SGCD: variants seen among roughly 807,000 people sequenced by gnomAD.
SGCD encodes the protein sarcoglycan delta.
A neutral mutation model predicts 36.6 loss-of-function variants in SGCD; 18 were observed. The observed-to-expected ratio is 0.49, with a 90% CI of 0.34 to 0.73. The LOEUF is 0.73. SGCD is among the 30% of genes least tolerant of loss of function. The pLI is 0.01. For missense variants in SGCD, 387 were observed against 346.7 expected (o/e 1.12, Z -0.92); for synonymous variants, 133 against 130.6 (o/e 1.02, Z -0.12).
At chr5:155,864,950 A>G in the SGCD span, among the ~76,000 whole-genome samples, 2 of 152,194 alleles carry the variant, frequency 1.3e-5, no homozygotes, top group Non-Finnish European at 2.9e-5. Flanking sequence ...CATTTTACAT[A>G]AGGAAGCACA....
At chr5:156,408,164 G>T (rs1179466112) in intron 3 of SGCD, among the ~76,000 whole-genome samples, 1 of 152,078 alleles carries the variant, frequency 6.6e-6, no homozygotes, top group East Asian at 1.9e-4. Flanking sequence ...TAGCTCTTTT[G>T]TCTTTTCATC....
chr5:155,909,901 G>C (rs1013558402), intron 1 of SGCD, among the ~76,000 whole-genome samples: 41 of 151,928 alleles, frequency 2.7e-4, no homozygotes, highest in African/African-American at 9.9e-4. Context: ...ACTATTCCTA[G>C]AGAATGAATA....
chr5:155,996,337 A>G (rs544593549), intron 1 of SGCD, among the ~76,000 whole-genome samples: 1 of 152,220 alleles, frequency 6.6e-6, no homozygotes, highest in South Asian at 2.1e-4. Context: ...TTTGCATGAC[A>G]GCAAGCCATG....
chr5:155,871,545 C>T (rs1221090059), intron 1 of SGCD, among the ~76,000 whole-genome samples: 4 of 152,080 alleles, frequency 2.6e-5, no homozygotes, highest in African/African-American at 9.7e-5. Context: ...TGTCATTGTT[C>T]ACTGGACTGT....
chr5:155,875,592 G>C (rs1252284967), intron 1 of SGCD, among the ~76,000 whole-genome samples: 2 of 151,522 alleles, frequency 1.3e-5, no homozygotes, highest in Non-Finnish European at 2.9e-5. Context: ...CAATTTAAAG[G>C]CATTTCAATT....
the SGCD span, among the ~76,000 whole-genome samples, chr5:155,841,730 T>TTTATAGGATA: frequency 1.4e-4 from 21 of 152,204 alleles, no homozygotes; most frequent in Non-Finnish European, 2.5e-4. Flanking sequence ...TTATAGGTTT[T>TTTATAGGATA]GTAGGGAAAC....
At chr5:155,825,015 A>C in the SGCD span, among the ~76,000 whole-genome samples, 14 of 152,270 alleles carry the variant, frequency 9.2e-5, no homozygotes, top group Admixed American at 6.5e-5. Context: ...CTCTTCCTTC[A>C]TTTATCGTTG....
At chr5:155,954,466 AT>A (rs1215442030) in intron 1 of SGCD, among the ~76,000 whole-genome samples, 1 of 152,066 alleles carries the variant, frequency 6.6e-6, no homozygotes, top group East Asian at 1.9e-4. Flanking sequence ...ACTTGAATCC[AT>A]TTGATTAGCG....
intron 1 of SGCD, among the ~76,000 whole-genome samples, chr5:156,072,503 G>C (rs1189031721): frequency 6.6e-6 from 1 of 151,884 alleles, no homozygotes; most frequent in East Asian, 1.9e-4. Context: ...GAGATCCGCT[G>C]TTAGTCTGAT....
Position 156,473,314 on chromosome 5 carries a change from C to T in SGCD, c.193-35287C>T, listed in dbSNP as rs141538675. Among the ~76,000 whole-genome samples, 727 of 152,280 alleles carry T rather than the reference C, an allele frequency of 4.8e-3. 5 individuals are homozygous for T. Among genetic ancestry groups the T allele is most frequent in the Admixed American group, 8.7e-3 (133 of 15,288 alleles). ...AAGTTTCCATGGAGATACCTCCCAA[C>T]AAAACTATCATACGTTGCAAATATT... On this transcript the variant is annotated intron_variant, in intron 3 of 8. Transcript: ENST00000337851.
chr5:156,141,195 T>A (rs987306988), intron 3 of SGCD, among the ~76,000 whole-genome samples: 5 of 151,608 alleles, frequency 3.3e-5, no homozygotes, highest in Non-Finnish European at 5.9e-5. Flanking sequence ...CCTTGGAGAG[T>A]CTCAGGACCC....
At chr5:156,227,956 G>A (rs1377746205) in intron 3 of SGCD, among the ~76,000 whole-genome samples, 1 of 152,066 alleles carries the variant, frequency 6.6e-6, no homozygotes, top group African/African-American at 2.4e-5. Context: ...GGTTTTGAAG[G>A]TTCCTTTTGG....
rs1363453953 is a variant in SGCD at position 156,267,117 on chromosome 5, A to T, written c.-43-62417A>T. On this transcript the variant is annotated intron_variant, in intron 3 of 9. Transcript: ENST00000517913. ...CAGACTCCACTTCCTCATTTGTAAG[A>T]TGGGGGTATCAAATGTCACTTATTC... Among the ~76,000 whole-genome samples the T allele has an allele frequency of 2.6e-5, 4 of 152,180 alleles. No individual in the cohort carries two copies. In the East Asian group the frequency reaches 7.7e-4, roughly 29 times the overall value.
intron 1 of SGCD, among the ~76,000 whole-genome samples, chr5:156,027,354 A>G (rs1305946012): frequency 6.6e-6 from 1 of 152,216 alleles, no homozygotes; most frequent in Non-Finnish European, 1.5e-5. Context: ...AGGGTTTAAA[A>G]GTGAATTTTG....
intron 1 of SGCD, among the ~76,000 whole-genome samples, chr5:155,978,240 T>C (rs145663893): frequency 1.1e-3 from 161 of 152,364 alleles, no homozygotes; most frequent in Middle Eastern, 3.4e-3. Context: ...AAATTTTATT[T>C]TACATAATCA....
At chr5:155,988,350 G>A (rs187062055) in intron 1 of SGCD, among the ~76,000 whole-genome samples, 5 of 151,994 alleles carry the variant, frequency 3.3e-5, no homozygotes, top group East Asian at 1.9e-4. Flanking sequence ...ACTCCCCCCC[G>A]ACCCCATAGA....
At position 156,076,969 on chromosome 5, in the gene SGCD, T is replaced by C. The variant is rs141947777; in HGVS notation, c.-281-40909T>C. 2.6e-5 allele frequency among the ~76,000 whole-genome samples: 4 copies of C among 152,350 alleles called. No homozygotes were observed. The East Asian group carries it at 7.7e-4, about 29-fold the overall frequency. On this transcript the variant is annotated intron_variant, in intron 1 of 9. Coordinates refer to the SGCD transcript ENST00000517913. Reference sequence around the variant, plus strand: ...TGGGCCAAAAGCTTTATATACAATGTTTGTTTTACTGCTTTTAAGTCTCTG... The same window carrying C: ...TGGGCCAAAAGCTTTATATACAATGCTTGTTTTACTGCTTTTAAGTCTCTG...
the SGCD span, among the ~76,000 whole-genome samples, chr5:155,804,121 T>C: frequency 6.6e-6 from 1 of 152,208 alleles, no homozygotes; most frequent in Non-Finnish European, 1.5e-5. Flanking sequence ...ACCTCTGTGT[T>C]TTCTCACATC....
the SGCD span, among the ~76,000 whole-genome samples, chr5:155,863,951 TAAAC>T: frequency 9.5e-3 from 1,451 of 152,146 alleles, 20 homozygotes; most frequent in African/African-American, 0.033. Flanking sequence ...GACAGACAAA[TAAAC>T]AATCAAATAG....
Sources: gnomAD v4.1 joint callset for allele counts (sites outside exome capture counted in the v4.1 genomes callset) on GRCh38, gnomAD v4.1.1 for gene constraint, MANE v1.5 for transcripts, NCBI Gene and HGNC (gene_info 2026-07-23, HGNC 2026-07-21) for gene names.